The following IL5RA variants were observed in gnomAD, a reference collection of about 807,000 sequenced individuals.
IL5RA encodes interleukin 5 receptor subunit alpha.
IL5RA carries 49 observed loss-of-function variants against 50.0 expected under a neutral mutation model. The ratio of observed to expected loss-of-function variants is 0.98; its 90% CI spans 0.78 to 1.24. The LOEUF is 1.24. IL5RA is among the 50% of genes most tolerant of loss of function. IL5RA has a pLI of 0.00. For missense variants in IL5RA, 600 were observed against 500.4 expected (o/e 1.20, Z -1.90); for synonymous variants, 202 against 174.0 (o/e 1.16, Z -1.26).
chr3:3,068,867 C>CCCG lies in IL5RA; in HGVS notation c.*1357_*1358insCGG, dbSNP rs1436770794. Reference sequence around the variant, plus strand: ...TAAAATGGGACAGTAATACAGATTACTATAAGACAGTGCAGGCTTGTCAAG... The same window carrying CCCG: ...TAAAATGGGACAGTAATACAGATTACCCGTATAAGACAGTGCAGGCTTGTCAAG... On this transcript the variant is annotated 3_prime_UTR_variant, in exon 12 of 12. Coordinates refer to ENST00000446632, the MANE Select transcript of IL5RA (RefSeq NM_175726.4). 6.6e-6 allele frequency: 1 copy of CCCG among 152,176 alleles called. No individual in the cohort carries two copies. Among genetic ancestry groups the CCCG allele is most frequent in the Non-Finnish European group, 1.5e-5 (1 of 68,044 alleles). The allele number at this position is 152,176 out of a possible 1,614,324, so 9.4% of individuals were successfully genotyped here.
intron 3 of IL5RA, among the ~76,000 whole-genome samples, chr3:3,104,102 G>A (rs765993745): frequency 9.2e-5 from 14 of 152,204 alleles, no homozygotes; most frequent in Non-Finnish European, 1.9e-4. Context: ...GCAGTGTTGT[G>A]CGATCTCAGC....
At chr3:3,070,802 C>T (rs745454329) in intron 11 of IL5RA, among the ~76,000 whole-genome samples, 4 of 151,796 alleles carry the variant, frequency 2.6e-5, no homozygotes, top group Admixed American at 6.6e-5. Context: ...AGGCTGGTCT[C>T]GAACTCTTGA....
chr3:3,079,587 C>G (rs1336041519), intron 9 of IL5RA, among the ~76,000 whole-genome samples: 3 of 152,156 alleles, frequency 2.0e-5, no homozygotes, highest in Non-Finnish European at 2.9e-5. Context: ...GGTGGTCATT[C>G]TGGGCCTCGG....
intron 8 of IL5RA, among the ~76,000 whole-genome samples, chr3:3,093,757 C>G (rs1259544261): frequency 6.6e-6 from 1 of 152,188 alleles, no homozygotes; most frequent in Non-Finnish European, 1.5e-5. Flanking sequence ...CAAGGCTGGG[C>G]AAGTATGTCA....
rs146800613 is a variant in IL5RA, at chr3:3,070,191, T to C, written c.*34A>G. On this transcript the variant is annotated 3_prime_UTR_variant, in exon 12 of 12. Coordinates refer to ENST00000446632, the MANE Select transcript of IL5RA (RefSeq NM_175726.4). ...TTCTTTTCACTGAGGCACTGAGGCA[T>C]GTGTGAGTTCATCAGAGGATGCCAA... 5.2e-3 allele frequency: 7,104 copies of C among 1,370,666 alleles called. 19 individuals are homozygous for C. Among genetic ancestry groups the C allele is most frequent in the Non-Finnish European group, 6.8e-3 (6,522 of 962,836 alleles). The allele number at this position is 1,370,666 out of a possible 1,614,324, so 84.9% of individuals were successfully genotyped here.
At chr3:3,097,337 C>T (rs957029077) in intron 7 of IL5RA, among the ~76,000 whole-genome samples, 4 of 152,122 alleles carry the variant, frequency 2.6e-5, no homozygotes, top group Admixed American at 6.5e-5. Context: ...GGATGGGAAA[C>T]GTGCTGCCTG....
chr3:3,087,538 A>G lies in IL5RA; in HGVS notation c.994+4686T>C, dbSNP rs17885471. Among the ~76,000 whole-genome samples, 943 of 152,252 alleles carry G rather than the reference A, an allele frequency of 6.2e-3. 6 individuals are homozygous for G. The highest frequency in any genetic ancestry group is 0.022 in the African/African-American group (896 of 41,536). On this transcript the variant is annotated intron_variant, in intron 9 of 11. Transcript: ENST00000446632. ...TCACTGATTGGCTCATATGTCATCT[A>G]TTTGAGAAAATTGTATATTAATAGC...
chr3:3,100,607 A>G (rs1346275395), intron 5 of IL5RA, among the ~76,000 whole-genome samples: 1 of 152,188 alleles, frequency 6.6e-6, no homozygotes, highest in Non-Finnish European at 1.5e-5. Flanking sequence ...TTCAAAACAG[A>G]AATAATTTTT....
At chr3:3,073,851 A>T (rs913341035) in intron 11 of IL5RA, 2 of 437,192 alleles carry the variant, frequency 4.6e-6, no homozygotes, top group Admixed American at 2.7e-5. Context: ...ACAAATTTTT[A>T]AAAAATCACT....
rs17882595 is a variant in IL5RA, at chr3:3,097,248, C to T, written c.709+622G>A. On this transcript the variant is annotated intron_variant, in intron 7 of 11. Transcript: ENST00000446632. ...TGCACACTGAGAGATATTCGAGCTG[C>T]AGAACATCCAGGAGATGGGCCAGAA... 3.2e-3 allele frequency among the ~76,000 whole-genome samples: 488 copies of T among 152,286 alleles called. 1 individual carries two copies. Among genetic ancestry groups the T allele is most frequent in the African/African-American group, 0.011 (460 of 41,554 alleles).
intron 8 of IL5RA, among the ~76,000 whole-genome samples, chr3:3,094,874 C>G (rs886852822): frequency 2.0e-5 from 3 of 152,186 alleles, no homozygotes; most frequent in Admixed American, 1.3e-4. Flanking sequence ...ATTATAGTCA[C>G]GCGCCATCAC....
chr3:3,102,388 C>T (rs1703692468), intron 4 of IL5RA, among the ~76,000 whole-genome samples: 1 of 152,192 alleles, frequency 6.6e-6, no homozygotes, highest in South Asian at 2.1e-4. Flanking sequence ...TTATGGGAAA[C>T]AGAAAACCAG....
intron 9 of IL5RA, among the ~76,000 whole-genome samples, chr3:3,085,645 C>T (rs1702825787): frequency 6.6e-6 from 1 of 152,128 alleles, no homozygotes; most frequent in Non-Finnish European, 1.5e-5. Flanking sequence ...ACCAAGTCAC[C>T]TCACACATCA....
At chr3:3,084,410 C>G (rs1702779748) in intron 9 of IL5RA, among the ~76,000 whole-genome samples, 1 of 152,132 alleles carries the variant, frequency 6.6e-6, no homozygotes, top group Non-Finnish European at 1.5e-5. Flanking sequence ...TACTGAGGAA[C>G]AGAAAAGGGT....
At chr3:3,083,682 C>T (rs970281219) in intron 9 of IL5RA, among the ~76,000 whole-genome samples, 22 of 152,214 alleles carry the variant, frequency 1.4e-4, no homozygotes, top group Admixed American at 9.8e-4. Context: ...ATTTTATCAA[C>T]CTGCTAAAGC....
intron 5 of IL5RA, 101 bp from the exon 6 acceptor site, chr3:3,098,391 C>G: frequency 1.0e-6 from 1 of 989,188 alleles, no homozygotes; most frequent in Non-Finnish European, 1.5e-6. Flanking sequence ...TATTCATCAC[C>G]AAAAAATAAT....
chr3:3,075,609 T>C (rs1574976287), intron 10 of IL5RA, among the ~76,000 whole-genome samples: 2 of 151,530 alleles, frequency 1.3e-5, no homozygotes, highest in South Asian at 2.1e-4. Context: ...AAAGTCTTTT[T>C]TTTTTTTTTG....
chr3:3,109,536 G>T (rs941624360), intron 1 of IL5RA, among the ~76,000 whole-genome samples: 34 of 152,298 alleles, frequency 2.2e-4, no homozygotes, highest in African/African-American at 7.7e-4. Context: ...GAAAACAGAT[G>T]TCTTATATTG....
At chr3:3,103,307 A>G (rs953449812) in intron 3 of IL5RA, among the ~76,000 whole-genome samples, 1 of 152,252 alleles carries the variant, frequency 6.6e-6, no homozygotes, top group Admixed American at 6.5e-5. Context: ...ATTCACTATA[A>G]CCATAATTTT....
Sources: gnomAD v4.1 joint callset for allele counts (sites outside exome capture counted in the v4.1 genomes callset) on GRCh38, gnomAD v4.1.1 for gene constraint, MANE v1.5 for transcripts, NCBI Gene and HGNC (gene_info 2026-07-23, HGNC 2026-07-21) for gene names.